The following FLVCR2 variants were observed in gnomAD, a reference collection of about 807,000 sequenced individuals.
FLVCR2 encodes FLVCR choline and putative heme transporter 2, also known as choline/ethanolamine transporter FLVCR2.
FLVCR2 carries 38 observed loss-of-function variants against 48.9 expected under a neutral mutation model. The ratio of observed to expected loss-of-function variants is 0.78; its 90% CI spans 0.60 to 1.02. The LOEUF (loss-of-function observed/expected upper bound fraction) is 1.02, where lower values mean the gene tolerates loss of function less well. Among genes scored for constraint, FLVCR2 ranks in the 50% least tolerant of loss-of-function variants. The pLI is 0.00. For missense variants in FLVCR2, 664 were observed against 663.3 expected, an observed-to-expected ratio of 1.00 and a Z score of -0.01; for synonymous variants, 255 against 257.0, an observed-to-expected ratio of 0.99 and a Z score of 0.07.
chr14:75,614,983 G>A (rs1039958704), intron 1 of FLVCR2, among the ~76,000 whole-genome samples: 2 of 152,164 alleles, frequency 1.3e-5, no homozygotes, highest in Non-Finnish European at 2.9e-5. Context: ...TTGGCACATG[G>A]GGATTACAAT....
At chr14:75,586,940 C>G (rs966911242) in intron 1 of FLVCR2, among the ~76,000 whole-genome samples, 1 of 152,054 alleles carries the variant, frequency 6.6e-6, no homozygotes, top group Non-Finnish European at 1.5e-5. Flanking sequence ...AACAAACACA[C>G]AACAACTGAA....
intron 3 of FLVCR2, among the ~76,000 whole-genome samples, chr14:75,625,232 G>A (rs968496146): frequency 6.7e-6 from 1 of 149,628 alleles, no homozygotes; most frequent in Admixed American, 6.6e-5. Flanking sequence ...ATGCATGCAT[G>A]CATATATGTG....
rs144772977 is a variant in FLVCR2, at chr14:75,642,125, G to T, written c.1509+227G>T. ...TTCTTGGACTCTTCTCCCACTTCCTGCCCTCTTTCTGGAGCCCCCGGCCTC... is the reference window on the plus strand; with the variant it reads ...TTCTTGGACTCTTCTCCCACTTCCTTCCCTCTTTCTGGAGCCCCCGGCCTC... On this transcript the variant is annotated intron_variant, in intron 9 of 9. Coordinates refer to ENST00000238667, the MANE Select transcript of FLVCR2 (RefSeq NM_017791.3). 4,080 of 589,770 alleles carry T rather than the reference G, an allele frequency of 6.9e-3. 26 individuals are homozygous for T. Among genetic ancestry groups the T allele is most frequent in the Non-Finnish European group, 8.1e-3 (2,692 of 330,940 alleles). The allele number at this position is 589,770 out of a possible 1,614,324, so 36.5% of individuals were successfully genotyped here. A position where few individuals can be genotyped will look rare whatever the true frequency, so the allele number is the denominator to read the frequency against.
At chr14:75,646,099 G>A (rs183237893) in intron 9 of FLVCR2, among the ~76,000 whole-genome samples, 4 of 152,158 alleles carry the variant, frequency 2.6e-5, no homozygotes, top group Admixed American at 2.6e-4. Context: ...TTTCAGTCCC[G>A]AGAGTGAGCC....
chr14:75,591,783 A>ATGGG (rs1242731969), intron 1 of FLVCR2, among the ~76,000 whole-genome samples: 1 of 141,734 alleles, frequency 7.1e-6, no homozygotes, highest in Non-Finnish European at 1.5e-5. Flanking sequence ...CTAGGCTCCC[A>ATGGG]GGCTCTCTTT....
At chr14:75,601,984 C>T (rs1169796954) in intron 1 of FLVCR2, among the ~76,000 whole-genome samples, 1 of 152,180 alleles carries the variant, frequency 6.6e-6, no homozygotes, top group Non-Finnish European at 1.5e-5. Flanking sequence ...CTCAGGAAAA[C>T]ATTTTACTCA....
intron 1 of FLVCR2, among the ~76,000 whole-genome samples, chr14:75,582,070 G>A (rs1236202827): frequency 2.0e-5 from 3 of 152,198 alleles, no homozygotes; most frequent in African/African-American, 7.2e-5. Flanking sequence ...CTGGCCGTGA[G>A]GGACAGAAGT....
chr14:75,585,573 C>T (rs1350253746), intron 1 of FLVCR2, among the ~76,000 whole-genome samples: 1 of 152,070 alleles, frequency 6.6e-6, no homozygotes, highest in Non-Finnish European at 1.5e-5. Context: ...GGGAGCAGCC[C>T]TGGGCTGTAA....
chr14:75,641,786 G>A (rs948999342), intron 8 of FLVCR2, 57 bp from the exon 9 acceptor site: 31 of 1,463,978 alleles, frequency 2.1e-5, no homozygotes, highest in African/African-American at 2.8e-5. Context: ...TTCTTCTCTC[G>A]GATGAACGTG....
At chr14:75,645,545 TC>T (rs768174134) in intron 9 of FLVCR2, among the ~76,000 whole-genome samples, 8 of 152,120 alleles carry the variant, frequency 5.3e-5, no homozygotes, top group Non-Finnish European at 1.2e-4. Context: ...GTGCCATCCC[TC>T]CCCTAGAAAG....
chr14:75,646,397 A>T lies in FLVCR2; in HGVS notation c.1510-4A>T. On this transcript the variant is annotated splice_region_variant and splice_polypyrimidine_tract_variant and intron_variant, in intron 9 of 9. Coordinates refer to ENST00000238667, the MANE Select transcript of FLVCR2 (RefSeq NM_017791.3). The stretch of plus-strand genomic sequence containing the variant: ...CAGCACTGCCTGTTTGTTTTGCTTT[A>T]TAGAAACTCCAAGAGGAGGAGGAGG... 1 of 1,612,344 alleles carries T rather than the reference A, an allele frequency of 6.2e-7. No individual in the cohort carries two copies. Among genetic ancestry groups the T allele is most frequent in the Non-Finnish European group, 8.5e-7 (1 of 1,178,568 alleles).
intron 1 of FLVCR2, among the ~76,000 whole-genome samples, chr14:75,613,136 T>C (rs1429039958): frequency 6.6e-6 from 1 of 152,144 alleles, no homozygotes; most frequent in African/African-American, 2.4e-5. Context: ...TCCTGGGAGA[T>C]GGAGCTTGTG....
Position 75,579,320 on chromosome 14 carries a change from C to T in FLVCR2, c.348C>T (p.Tyr116=), listed in dbSNP as rs1426722806. ...GSINNIFMHF[Y]GVSAFAIDWL... is the part of the protein sequence containing the mutation. ...TCAATAACATCTTCATGCACTTCTA[C>T]GGTGTCAGTGCCTTTGCCATTGACT... Residue 116 remains tyrosine, a synonymous_variant, in exon 1 of 10, where the codon TAC becomes TAT. Transcript: ENST00000238667. The T allele has an allele frequency of 1.9e-6, 3 of 1,614,132 alleles. No homozygotes were observed. The highest frequency in any genetic ancestry group is 3.3e-5 in the Admixed American group (2 of 60,014).
intron 1 of FLVCR2, among the ~76,000 whole-genome samples, chr14:75,597,516 G>A (rs114087270): frequency 0.011 from 1,616 of 152,108 alleles, 12 homozygotes; most frequent in South Asian, 0.049. Flanking sequence ...AGAGGTCTGC[G>A]GCCCCACACA....
intron 1 of FLVCR2, among the ~76,000 whole-genome samples, chr14:75,591,219 T>A (rs995729354): frequency 3.9e-5 from 6 of 152,142 alleles, no homozygotes; most frequent in Non-Finnish European, 7.3e-5. Context: ...TTTTTGTATT[T>A]TTTTGTAGAG....
At chr14:75,605,095 C>T (rs1354739965) in intron 1 of FLVCR2, among the ~76,000 whole-genome samples, 1 of 152,184 alleles carries the variant, frequency 6.6e-6, no homozygotes, top group East Asian at 1.9e-4. Flanking sequence ...TATTTTCCAT[C>T]TCCTTGTTCT....
At chr14:75,589,478 A>G (rs954724204) in intron 1 of FLVCR2, among the ~76,000 whole-genome samples, 11 of 152,212 alleles carry the variant, frequency 7.2e-5, no homozygotes, top group Non-Finnish European at 1.5e-4. Flanking sequence ...CCCTGCCCTT[A>G]CAGCTTTGCT....
rs377742497 is a variant in FLVCR2, at chr14:75,600,796, G to A, written c.669+21155G>A. On this transcript the variant is annotated intron_variant, in intron 1 of 9. Coordinates refer to ENST00000238667, the MANE Select transcript of FLVCR2 (RefSeq NM_017791.3). Reference sequence around the variant, plus strand: ...CAGACTAAAAAAGTCACCCATATTTGGGAGAAAATATTTGCAAATCTTATA... The same window carrying A: ...CAGACTAAAAAAGTCACCCATATTTAGGAGAAAATATTTGCAAATCTTATA... 4.7e-4 allele frequency among the ~76,000 whole-genome samples: 71 copies of A among 152,112 alleles called. No individual in the cohort carries two copies. The South Asian group carries it at 0.014, about 30-fold the overall frequency.
At chr14:75,626,267 C>T (rs1463461516) in intron 3 of FLVCR2, among the ~76,000 whole-genome samples, 1 of 150,992 alleles carries the variant, frequency 6.6e-6, no homozygotes, top group Non-Finnish European at 1.5e-5. Context: ...GCTGGGATTA[C>T]AGGTGTGAGC....
Sources: gnomAD v4.1 joint callset for allele counts (sites outside exome capture counted in the v4.1 genomes callset) on GRCh38, gnomAD v4.1.1 for gene constraint, MANE v1.5 for transcripts, NCBI Gene and HGNC (gene_info 2026-07-23, HGNC 2026-07-21) for gene names.